BORCS5: variants seen among roughly 807,000 people sequenced by gnomAD.
The protein encoded by BORCS5 is BLOC-1-related complex subunit 5.
BORCS5 carries 17 observed loss-of-function variants against 22.1 expected under a neutral mutation model. The observed-to-expected ratio is 0.77, with a 90% CI of 0.53 to 1.15. BORCS5 has a LOEUF of 1.15. Ranked by LOEUF, BORCS5 falls within the 50% of genes most tolerant of loss-of-function variation. The probability of loss-of-function intolerance (pLI) is 0.00; values close to 1 mark genes in which losing one functional copy is unlikely to be tolerated. For synonymous variants in BORCS5, 117 were observed against 99.8 expected, an observed-to-expected ratio of 1.17 and a Z score of -1.03; for missense variants, 247 against 253.2, an observed-to-expected ratio of 0.98 and a Z score of 0.17.
Position 12,368,256 on chromosome 12 carries a change from T to C in BORCS5, c.202+6907T>C, listed in dbSNP as rs1190375869. Among the ~76,000 whole-genome samples the C allele has an allele frequency of 2.6e-5, 4 of 151,394 alleles. No homozygotes were observed. The East Asian group carries it at 7.7e-4, about 29-fold the overall frequency. On this transcript the variant is annotated intron_variant, in intron 2 of 3. Transcript: ENST00000314565. ...CTCCCTTCCTTTAGTTTATGATACC[T>C]CCCCACCCAGTGGTATTCTGTTTTG...
At chr12:12,449,100 A>G (rs1942852424) in intron 3 of BORCS5, among the ~76,000 whole-genome samples, 1 of 152,166 alleles carries the variant, frequency 6.6e-6, no homozygotes, top group Admixed American at 6.5e-5. Flanking sequence ...GGGCTTTTTA[A>G]CAGTGTCTCA....
intron 2 of BORCS5, among the ~76,000 whole-genome samples, chr12:12,405,141 C>T (rs917050076): frequency 6.6e-6 from 1 of 152,148 alleles, no homozygotes; most frequent in Non-Finnish European, 1.5e-5. Flanking sequence ...GAAAGTGAAC[C>T]TTCAACGAAG....
chr12:12,398,087 G>A (rs911202866), intron 2 of BORCS5, among the ~76,000 whole-genome samples: 19 of 152,134 alleles, frequency 1.2e-4, no homozygotes, highest in African/African-American at 4.6e-4. Flanking sequence ...AGCGCTTTGG[G>A]TCATAGAAAT....
At chr12:12,395,089 T>G (rs1032645456) in intron 2 of BORCS5, among the ~76,000 whole-genome samples, 1 of 151,790 alleles carries the variant, frequency 6.6e-6, no homozygotes, top group Admixed American at 6.6e-5. Context: ...GGTGGGGTTT[T>G]GGTGTGATGT....
intron 2 of BORCS5, among the ~76,000 whole-genome samples, chr12:12,374,183 G>A (rs1212149732): frequency 6.6e-6 from 1 of 151,338 alleles, no homozygotes; most frequent in Non-Finnish European, 1.5e-5. Flanking sequence ...AGTAGAGATG[G>A]GGTTTCACTG....
At position 12,465,607 on chromosome 12, in the gene BORCS5, A is replaced by C; in HGVS notation, c.422A>C (p.Lys141Thr). The change falls in exon 4 of 4, where the codon AAG becomes ACG. Residue 141 changes from lysine (K) to threonine (T), a missense_variant. Transcript: ENST00000314565. The stretch of plus-strand genomic sequence containing the variant: ...CAGGAGCGCCAGAAAAGATACGCCA[A>C]GTATGCCGAGCAGATCCAGAAAGTG... ...FMQERQKRYA[K>T]YAEQIQKVNE... The C allele has an allele frequency of 6.2e-7, 1 of 1,614,262 alleles. No individual in the cohort carries two copies. Among genetic ancestry groups the C allele is most frequent in the Non-Finnish European group, 8.5e-7 (1 of 1,180,038 alleles).
intron 2 of BORCS5, among the ~76,000 whole-genome samples, chr12:12,413,610 G>C (rs1192129245): frequency 1.4e-5 from 2 of 138,360 alleles, no homozygotes; most frequent in African/African-American, 5.6e-5. Flanking sequence ...CCTCCCAGAC[G>C]GGTCGTGGCC....
In BORCS5 at chr12:12,453,314, G is replaced by A. The variant is rs942010783; in HGVS notation, c.361-12232G>A. ...AAATTGCTGAGAACTGGCATCTCACGCTTCCTTTTGGGGTTAGTCGATGCA... is the reference window on the plus strand; with the variant it reads ...AAATTGCTGAGAACTGGCATCTCACACTTCCTTTTGGGGTTAGTCGATGCA... On this transcript the variant is annotated intron_variant, in intron 3 of 3. Transcript: ENST00000314565. Among the ~76,000 whole-genome samples, 5 of 152,194 alleles carry A rather than the reference G, an allele frequency of 3.3e-5. No homozygotes were observed. The South Asian group carries it at 6.2e-4, about 19-fold the overall frequency.
Position 12,409,378 on chromosome 12 carries a change from C to G in BORCS5, c.203-26250C>G, listed in dbSNP as rs1056497235. On this transcript the variant is annotated intron_variant, in intron 2 of 3. Transcript: ENST00000314565. ...AAATGCTATCCCTCCCTCCTCCCCC[C>G]ACCCCACAACAGTCCCCGGTGTGTG... Among the ~76,000 whole-genome samples, 9 of 150,372 alleles carry G rather than the reference C, an allele frequency of 6.0e-5. No homozygotes were observed. In the East Asian group the frequency reaches 7.7e-4, roughly 13 times the overall value.
At chr12:12,420,928 A>C (rs1346654395) in intron 2 of BORCS5, among the ~76,000 whole-genome samples, 2 of 152,232 alleles carry the variant, frequency 1.3e-5, no homozygotes, top group African/African-American at 4.8e-5. Context: ...GAAGTTGCTT[A>C]TCAGCTTAAG....
At chr12:12,433,540 G>C (rs2136122515) in intron 2 of BORCS5, among the ~76,000 whole-genome samples, 1 of 152,228 alleles carries the variant, frequency 6.6e-6, no homozygotes. Flanking sequence ...CAATATCCTG[G>C]TTGTGATATT....
intron 2 of BORCS5, among the ~76,000 whole-genome samples, chr12:12,379,441 C>CT (rs1465773214): frequency 6.6e-6 from 1 of 151,414 alleles, no homozygotes; most frequent in Non-Finnish European, 1.5e-5. Context: ...ACTTCTTTTG[C>CT]TTTTTTTAAA....
chr12:12,453,871 T>C (rs1402508923), intron 3 of BORCS5, among the ~76,000 whole-genome samples: 1 of 152,142 alleles, frequency 6.6e-6, no homozygotes, highest in Non-Finnish European at 1.5e-5. Flanking sequence ...CAACTACCAG[T>C]CTCCTTTCTG....
chr12:12,455,090 G>A (rs1357677136), intron 3 of BORCS5, among the ~76,000 whole-genome samples: 1 of 152,204 alleles, frequency 6.6e-6, no homozygotes, highest in Admixed American at 6.5e-5. Flanking sequence ...TGTAAAACAG[G>A]ATGAATTGTT....
At chr12:12,409,498 C>T (rs1030113946) in intron 2 of BORCS5, among the ~76,000 whole-genome samples, 8 of 151,976 alleles carry the variant, frequency 5.3e-5, no homozygotes, top group Admixed American at 6.6e-5. Flanking sequence ...TTTGTCCTTG[C>T]AATAGTTTGC....
chr12:12,458,926 C>T (rs1000953816), intron 3 of BORCS5, among the ~76,000 whole-genome samples: 45 of 151,484 alleles, frequency 3.0e-4, no homozygotes, highest in African/African-American at 8.9e-4. Flanking sequence ...GAGTCAAGAT[C>T]GCGCCACTGC....
intron 2 of BORCS5, among the ~76,000 whole-genome samples, chr12:12,431,525 CT>C: frequency 6.6e-6 from 1 of 151,674 alleles, no homozygotes; most frequent in Non-Finnish European, 1.5e-5. Context: ...CCTCAGCCTC[CT>C]GAGTAGCTGG....
rs901909776 is a variant in BORCS5 at position 12,466,838 on chromosome 12, G to C, written c.*1062G>C. On this transcript the variant is annotated 3_prime_UTR_variant, in exon 4 of 4. Coordinates refer to ENST00000314565, the MANE Select transcript of BORCS5 (RefSeq NM_058169.6). ...CCTAAGTTCCTGCAAGCGTCGGGAGGTGTGTTTTCAGATACCAGAAAGAGC... is the reference window on the plus strand; with the variant it reads ...CCTAAGTTCCTGCAAGCGTCGGGAGCTGTGTTTTCAGATACCAGAAAGAGC... The C allele has an allele frequency of 7.2e-5, 11 of 152,182 alleles. No individual in the cohort carries two copies. The highest frequency in any genetic ancestry group is 2.7e-4 in the African/African-American group (11 of 41,434). The allele number at this position is 152,182 out of a possible 1,614,324, so 9.4% of individuals were successfully genotyped here.
chr12:12,423,900 G>C (rs1016098445), intron 2 of BORCS5, among the ~76,000 whole-genome samples: 1 of 152,088 alleles, frequency 6.6e-6, no homozygotes, highest in African/African-American at 2.4e-5. Context: ...ATGTTGCCCA[G>C]GCTGGTGTCA....
Sources: gnomAD v4.1 joint callset for allele counts (sites outside exome capture counted in the v4.1 genomes callset) on GRCh38, gnomAD v4.1.1 for gene constraint, MANE v1.5 for transcripts, NCBI Gene and HGNC (gene_info 2026-07-23, HGNC 2026-07-21) for gene names.